CSMD1: variants seen among roughly 807,000 people sequenced by gnomAD.
The protein encoded by CSMD1 is CUB and Sushi multiple domains 1, also known as CUB and sushi domain-containing protein 1.
Under a neutral mutation model 417.5 loss-of-function variants are expected in CSMD1, and 213 were observed. The observed-to-expected ratio is 0.51, with a 90% CI of 0.46 to 0.57. CSMD1 has a LOEUF of 0.57. Ranked by LOEUF, CSMD1 falls within the 20% of genes least tolerant of loss-of-function variation. The pLI is 0.00. For synonymous variants in CSMD1, 2,862 were observed against 1,736.8 expected (o/e 1.65, Z -16.11); for missense variants, 6,923 against 4,529.7 (o/e 1.53, Z -15.17).
intron 3 of CSMD1, among the ~76,000 whole-genome samples, chr8:4,345,655 G>A (rs891935929): frequency 6.6e-5 from 10 of 152,074 alleles, no homozygotes; most frequent in Non-Finnish European, 1.3e-4. Flanking sequence ...TCAAATGACT[G>A]GAAGAGACCT....
chr8:4,396,672 C>T (rs1804243407), intron 3 of CSMD1, among the ~76,000 whole-genome samples: 1 of 152,050 alleles, frequency 6.6e-6, no homozygotes, highest in African/African-American at 2.4e-5. Context: ...CATACACACA[C>T]ACACCCAATG....
At chr8:3,122,713 G>A (rs1332130766) in intron 41 of CSMD1, among the ~76,000 whole-genome samples, 1 of 152,084 alleles carries the variant, frequency 6.6e-6, no homozygotes, top group African/African-American at 2.4e-5. Flanking sequence ...CGCCATGTAA[G>A]AAGTGCCTTT....
intron 36 of CSMD1, among the ~76,000 whole-genome samples, chr8:3,187,179 C>T (rs1368710870): frequency 6.6e-6 from 1 of 152,184 alleles, no homozygotes; most frequent in East Asian, 1.9e-4. Flanking sequence ...CATCACTGCT[C>T]ATGAAGTTTG....
chr8:3,997,465 G>T (rs17068473), intron 5 of CSMD1, among the ~76,000 whole-genome samples: 33,136 of 152,086 alleles, frequency 0.22, 3,976 homozygotes, highest in South Asian at 0.34. Flanking sequence ...GGTGGCTACA[G>T]AATGTGGTAC....
intron 4 of CSMD1, among the ~76,000 whole-genome samples, chr8:4,012,989 C>T (rs574811655): frequency 2.0e-5 from 3 of 152,146 alleles, no homozygotes; most frequent in Non-Finnish European, 4.4e-5. Flanking sequence ...CAAGTAACAA[C>T]ACCTCTCATT....
intron 3 of CSMD1, among the ~76,000 whole-genome samples, chr8:4,042,686 A>G (rs1797950499): frequency 2.0e-5 from 3 of 151,776 alleles, no homozygotes; most frequent in Admixed American, 2.0e-4. Flanking sequence ...GCCAAATAAT[A>G]TATATTTTAG....
chr8:3,419,124 T>C (rs918879822), intron 12 of CSMD1, among the ~76,000 whole-genome samples: 13 of 152,212 alleles, frequency 8.5e-5, no homozygotes, highest in African/African-American at 2.7e-4. Flanking sequence ...GGCTTCTCAA[T>C]GACGCAAGCT....
Position 3,359,478 on chromosome 8 carries a change from G to T in CSMD1, c.3116-138C>A, listed in dbSNP as rs1024453518. 30 of 615,332 alleles carry T rather than the reference G, an allele frequency of 4.9e-5. No homozygotes were observed. In the East Asian group the frequency reaches 8.0e-4, roughly 16 times the overall value. The allele number at this position is 615,332 out of a possible 1,614,324, so 38.1% of individuals were successfully genotyped here. A position where few individuals can be genotyped will look rare whatever the true frequency, so the allele number is the denominator to read the frequency against. ...ATATTTTCCCCAAACACTTATAACT[G>T]TTACGTGCATTTTTTTTCTTGTACT... On this transcript the variant is annotated intron_variant, in intron 20 of 69. Coordinates refer to ENST00000635120, the MANE Select transcript of CSMD1 (RefSeq NM_033225.6).
intron 7 of CSMD1, among the ~76,000 whole-genome samples, chr8:3,628,885 A>T (rs959860469): frequency 1.3e-5 from 2 of 151,122 alleles, no homozygotes; most frequent in Admixed American, 1.3e-4. Context: ...TAAAAAGATT[A>T]TTCAAAACGA....
chr8:3,664,440 C>G (rs192137503), intron 7 of CSMD1, among the ~76,000 whole-genome samples: 1 of 152,138 alleles, frequency 6.6e-6, no homozygotes, highest in African/African-American at 2.4e-5. Context: ...TTATTCTGGG[C>G]AAAATGGAAA....
At chr8:3,420,562 G>A (rs906272187) in intron 12 of CSMD1, among the ~76,000 whole-genome samples, 1 of 151,402 alleles carries the variant, frequency 6.6e-6, no homozygotes, top group Non-Finnish European at 1.5e-5. Flanking sequence ...GAAATGCTCT[G>A]TACTATCTTT....
At chr8:3,125,131 T>G (rs1282257196) in intron 41 of CSMD1, among the ~76,000 whole-genome samples, 1 of 152,238 alleles carries the variant, frequency 6.6e-6, no homozygotes, top group East Asian at 1.9e-4. Context: ...TATAAAGGAC[T>G]ATATTAGGAG....
At chr8:4,821,325 G>C (rs1230089688) in intron 1 of CSMD1, among the ~76,000 whole-genome samples, 2 of 152,146 alleles carry the variant, frequency 1.3e-5, no homozygotes, top group Non-Finnish European at 2.9e-5. Flanking sequence ...TTAAGAATCC[G>C]TTAGTCAGAG....
chr8:3,643,667 C>T (rs987615625), intron 7 of CSMD1, among the ~76,000 whole-genome samples: 2 of 141,852 alleles, frequency 1.4e-5, no homozygotes, highest in African/African-American at 5.4e-5. Context: ...CGCCACTGCA[C>T]CCCAGCCTGG....
At chr8:4,145,348 C>A (rs1436763054) in intron 3 of CSMD1, among the ~76,000 whole-genome samples, 1 of 150,960 alleles carries the variant, frequency 6.6e-6, no homozygotes, top group South Asian at 2.1e-4. Flanking sequence ...TCCAATATGT[C>A]AGAAAGATCT....
intron 2 of CSMD1, among the ~76,000 whole-genome samples, chr8:4,488,113 A>G (rs1801505944): frequency 6.6e-6 from 1 of 152,196 alleles, no homozygotes. Context: ...TAAATAAGAA[A>G]GCAGGGTCTC....
intron 18 of CSMD1, among the ~76,000 whole-genome samples, chr8:3,386,484 T>C (rs1811011367): frequency 6.6e-6 from 1 of 152,210 alleles, no homozygotes; most frequent in Non-Finnish European, 1.5e-5. Flanking sequence ...AGTTACTGTG[T>C]GGGTTCGTGC....
At chr8:4,473,650 G>C (rs746532610) in intron 2 of CSMD1, among the ~76,000 whole-genome samples, 6 of 152,100 alleles carry the variant, frequency 3.9e-5, no homozygotes, top group Non-Finnish European at 5.9e-5. Context: ...TCCTTTATCT[G>C]TGAAAACAAA....
intron 3 of CSMD1, among the ~76,000 whole-genome samples, chr8:4,259,975 T>C (rs1186985368): frequency 1.3e-5 from 2 of 152,188 alleles, no homozygotes. Context: ...TTTTTCACTA[T>C]TGATAACAGA....
Sources: allele counts gnomAD v4.1 joint callset (sites outside exome capture counted in the v4.1 genomes callset), GRCh38; gene constraint gnomAD v4.1.1; transcripts MANE v1.5; gene names NCBI Gene and HGNC (gene_info 2026-07-23, HGNC 2026-07-21).